GTF3C5: variants seen among roughly 807,000 people sequenced by gnomAD.
GTF3C5 encodes general transcription factor 3C polypeptide 5.
GTF3C5 carries 47 observed loss-of-function variants against 61.0 expected under a neutral mutation model. The ratio of observed to expected loss-of-function variants is 0.77; its 90% CI spans 0.61 to 0.98. The LOEUF is 0.98. GTF3C5 is among the 50% of genes least tolerant of loss of function. The pLI is 0.00. For synonymous variants in GTF3C5, 295 were observed against 275.4 expected (o/e 1.07, Z -0.71); for missense variants, 659 against 703.3 (o/e 0.94, Z 0.71).
chr9:133,031,716 A>C (rs944805920), intron 1 of GTF3C5, among the ~76,000 whole-genome samples: 5 of 152,168 alleles, frequency 3.3e-5, no homozygotes, highest in Non-Finnish European at 7.3e-5. Flanking sequence ...AGGGGTTCCT[A>C]TCTCTTACAC....
chr9:133,044,937 C>T (rs1489961206), intron 3 of GTF3C5, among the ~76,000 whole-genome samples: 2 of 150,876 alleles, frequency 1.3e-5, no homozygotes, highest in Admixed American at 1.3e-4. Context: ...GCACAGCCTG[C>T]CCAAGCCCAC....
Position 133,054,392 on chromosome 9 carries a change from C to T in GTF3C5, c.989-16C>T, listed in dbSNP as rs1332529956. 2 of 1,612,714 alleles carry T rather than the reference C, an allele frequency of 1.2e-6. No individual in the cohort carries two copies. The highest frequency in any genetic ancestry group is 1.7e-6 in the Non-Finnish European group (2 of 1,178,908). On this transcript the variant is annotated splice_polypyrimidine_tract_variant and intron_variant, in intron 6 of 10. Coordinates refer to ENST00000372097, the MANE Select transcript of GTF3C5 (RefSeq NM_012087.4). ...CCCTGTGCCCGCCCACCTGACTTGC[C>T]CGCCCTCGCCTACAGGTTACGCCCC... is the stretch of plus-strand genomic sequence containing the variant.
chr9:133,054,308 C>T (rs907070541), intron 6 of GTF3C5, 100 bp from the exon 7 acceptor site: 2 of 954,958 alleles, frequency 2.1e-6, no homozygotes, highest in Admixed American at 3.8e-5. Context: ...CTCTCAGGAG[C>T]TGGCCCCATG....
Position 133,052,053 on chromosome 9 carries a change from T to A in GTF3C5, c.769-7T>A. 4 of 1,552,230 alleles carry A rather than the reference T, an allele frequency of 2.6e-6. No homozygotes were observed. The highest frequency in any genetic ancestry group is 3.5e-6 in the Non-Finnish European group (4 of 1,131,450). On this transcript the variant is annotated splice_polypyrimidine_tract_variant and splice_region_variant and intron_variant, in intron 4 of 10. Transcript: ENST00000372097. ...CTCATCTCAGCCTCTGCCCTTGGCCTCCCCAGCTGTTTGACATCCGTCCCA... is the reference window on the plus strand; with the variant it reads ...CTCATCTCAGCCTCTGCCCTTGGCCACCCCAGCTGTTTGACATCCGTCCCA...
chr9:133,036,548 G>T (rs563583586), intron 1 of GTF3C5, among the ~76,000 whole-genome samples: 2 of 152,108 alleles, frequency 1.3e-5, no homozygotes, highest in African/African-American at 4.8e-5. Flanking sequence ...TACCCCTAAA[G>T]CTACCCCCTT....
At position 133,055,250 on chromosome 9, in the gene GTF3C5, G is replaced by A. The variant is rs374767427; in HGVS notation, c.1167+441G>A. ...GTGCGGTTGCCCAGCGGGGGTTGGCGGTTTCCAGAGCTGTTCCCACATTCA... is the reference window on the plus strand; with the variant it reads ...GTGCGGTTGCCCAGCGGGGGTTGGCAGTTTCCAGAGCTGTTCCCACATTCA... On this transcript the variant is annotated intron_variant, in intron 8 of 10. Coordinates refer to ENST00000372097, the MANE Select transcript of GTF3C5 (RefSeq NM_012087.4). 2,241 of 1,472,484 alleles carry A rather than the reference G, an allele frequency of 1.5e-3. 26 individuals are homozygous for A. In the South Asian group the frequency reaches 0.018, roughly 12 times the overall value. 91.2% of individuals were successfully genotyped at this position (1,472,484 alleles called of 1,614,324 possible).
intron 5 of GTF3C5, 95 bp downstream of exon 5, chr9:133,052,259 A>G (rs1480946962): frequency 4.6e-6 from 3 of 656,606 alleles, no homozygotes; most frequent in Non-Finnish European, 8.2e-6. Flanking sequence ...AGAGCAGCCA[A>G]CCCCCTATCC....
At chr9:133,054,178 G>T (rs998061044) in intron 6 of GTF3C5, among the ~76,000 whole-genome samples, 1 of 152,214 alleles carries the variant, frequency 6.6e-6, no homozygotes, top group Non-Finnish European at 1.5e-5. Context: ...GTGACTCCAC[G>T]TGCCCTATGG....
intron 1 of GTF3C5, among the ~76,000 whole-genome samples, chr9:133,032,802 C>A (rs1266081026): frequency 6.6e-6 from 1 of 152,200 alleles, no homozygotes; most frequent in African/African-American, 2.4e-5. Flanking sequence ...ACCTGCCGAA[C>A]AATCTTCCCG....
chr9:133,047,123 G>C (rs1470872633), intron 3 of GTF3C5, among the ~76,000 whole-genome samples: 1 of 152,126 alleles, frequency 6.6e-6, no homozygotes, highest in Non-Finnish European at 1.5e-5. Context: ...GCGGATCTCT[G>C]ACAGGGAAGA....
At chr9:133,049,984 A>G (rs537847808) in intron 3 of GTF3C5, among the ~76,000 whole-genome samples, 1 of 152,196 alleles carries the variant, frequency 6.6e-6, no homozygotes, top group Admixed American at 6.5e-5. Flanking sequence ...TTGGTGTTGG[A>G]CATTCTATGT....
intron 4 of GTF3C5, 117 bp downstream of exon 4, chr9:133,051,095 T>G: frequency 2.9e-6 from 2 of 684,126 alleles, no homozygotes; most frequent in Non-Finnish European, 4.7e-6. Flanking sequence ...CTTTACCCAT[T>G]CCTTAGTGCA....
At chr9:133,049,520 A>G (rs371233415) in intron 3 of GTF3C5, among the ~76,000 whole-genome samples, 27 of 152,324 alleles carry the variant, frequency 1.8e-4, no homozygotes, top group African/African-American at 6.5e-4. Context: ...ACCCGAGTGA[A>G]TTTGATGATG....
At chr9:133,055,518 T>C (rs898393310) in intron 8 of GTF3C5, 1 of 1,196,054 alleles carries the variant, frequency 8.4e-7, no homozygotes, top group Non-Finnish European at 1.1e-6. Flanking sequence ...TCGAGGCCTC[T>C]CCTAGGAGGC....
At chr9:133,030,972 T>G, upstream of GTF3C5, 1 of 1,610,158 alleles carries the variant, frequency 6.2e-7, no homozygotes. Flanking sequence ...GGGAGTACTT[T>G]GTGGGACGGA....
At chr9:133,041,549 T>C (rs2118991379) in intron 1 of GTF3C5, among the ~76,000 whole-genome samples, 1 of 152,290 alleles carries the variant, frequency 6.6e-6, no homozygotes, top group Non-Finnish European at 1.5e-5. Flanking sequence ...TACCTATCAT[T>C]GGAGATGACT....
chr9:133,035,074 A>G (rs747992985), intron 1 of GTF3C5, among the ~76,000 whole-genome samples: 5 of 151,880 alleles, frequency 3.3e-5, no homozygotes, highest in Non-Finnish European at 7.4e-5. Context: ...GGAGTGTGGT[A>G]TTCCCCTGCT....
chr9:133,039,440 G>A (rs1330794482), intron 1 of GTF3C5, among the ~76,000 whole-genome samples: 1 of 152,004 alleles, frequency 6.6e-6, no homozygotes, highest in Non-Finnish European at 1.5e-5. Context: ...GTTTCATTCT[G>A]TCACCAAGGC....
At chr9:133,057,515 C>G (rs1364700121) in intron 10 of GTF3C5, among the ~76,000 whole-genome samples, 3 of 152,166 alleles carry the variant, frequency 2.0e-5, no homozygotes, top group African/African-American at 7.2e-5. Flanking sequence ...AGATTCAGCC[C>G]CCTTTGGGAA....
Sources: gnomAD v4.1 joint callset for allele counts (sites outside exome capture counted in the v4.1 genomes callset) on GRCh38, gnomAD v4.1.1 for gene constraint, MANE v1.5 for transcripts, NCBI Gene and HGNC (gene_info 2026-07-23, HGNC 2026-07-21) for gene names.